Variants in RCL1 observed in about 807,000 individuals in gnomAD.
RCL1 encodes RNA 3'-terminal phosphate cyclase-like protein.
RCL1 carries 24 observed loss-of-function variants against 42.4 expected under a neutral mutation model. The observed-to-expected ratio is 0.57, with a 90% CI of 0.41 to 0.80. The LOEUF is 0.80. RCL1 is among the 30% of genes least tolerant of loss of function. The pLI is 0.00. For synonymous variants in RCL1, 228 were observed against 177.3 expected, an observed-to-expected ratio of 1.29 and a Z score of -2.27; for missense variants, 578 against 467.9, an observed-to-expected ratio of 1.24 and a Z score of -2.17.
intron 5 of RCL1, chr9:4,839,938 T>C (rs1016785563): frequency 2.2e-5 from 22 of 983,986 alleles, no homozygotes; most frequent in Non-Finnish European, 2.7e-5. Context: ...GCTGGGAGAA[T>C]GGGGCAAAGC....
At chr9:4,794,977 A>G (rs1563823508) in intron 1 of RCL1, among the ~76,000 whole-genome samples, 1 of 151,958 alleles carries the variant, frequency 6.6e-6, no homozygotes, top group Admixed American at 6.6e-5. Flanking sequence ...TATTTGCCTT[A>G]CCCCGTTCAT....
rs1183403418 is a variant in RCL1 at position 4,817,836 on chromosome 9, A to G, written c.137-5712A>G. Among the ~76,000 whole-genome samples, 5 of 130,532 alleles carry G rather than the reference A, an allele frequency of 3.8e-5. No homozygotes were observed. The East Asian group carries it at 1.2e-3, about 31-fold the overall frequency. The allele number at this position is 130,532 out of a possible 152,430, so 85.6% of individuals were successfully genotyped here. On this transcript the variant is annotated intron_variant, in intron 1 of 8. Transcript: ENST00000381750. ...CTTTTTCTCTTCTTTTGAGATTATCATTTTTCTTTACTGTTTGGCTTGTAA... is the reference window on the plus strand; with the variant it reads ...CTTTTTCTCTTCTTTTGAGATTATCGTTTTTCTTTACTGTTTGGCTTGTAA...
chr9:4,851,693 C>T (rs1389960913), intron 8 of RCL1, among the ~76,000 whole-genome samples: 10 of 150,936 alleles, frequency 6.6e-5, no homozygotes, highest in African/African-American at 2.4e-4. Context: ...TTTTGTGAAA[C>T]CTCAGATTTC....
chr9:4,851,266 C>T (rs1817738585), intron 8 of RCL1, among the ~76,000 whole-genome samples: 1 of 152,154 alleles, frequency 6.6e-6, no homozygotes, highest in Admixed American at 6.5e-5. Context: ...AAAGGAGTAG[C>T]ACAAATTGTA....
At chr9:4,807,270 G>A (rs573433052) in intron 1 of RCL1, among the ~76,000 whole-genome samples, 1 of 152,030 alleles carries the variant, frequency 6.6e-6, no homozygotes, top group Non-Finnish European at 1.5e-5. Flanking sequence ...ATTTATTTCT[G>A]TTCTTTATTA....
At chr9:4,851,820 G>A (rs1057139108) in intron 8 of RCL1, among the ~76,000 whole-genome samples, 2 of 151,108 alleles carry the variant, frequency 1.3e-5, no homozygotes, top group Admixed American at 1.3e-4. Flanking sequence ...TATGTAAAGA[G>A]CATTGGGATT....
At chr9:4,810,961 T>C (rs1434623201) in intron 1 of RCL1, among the ~76,000 whole-genome samples, 1 of 152,056 alleles carries the variant, frequency 6.6e-6, no homozygotes, top group African/African-American at 2.4e-5. Flanking sequence ...CAGTGTGATA[T>C]TTTGATACAT....
At chr9:4,828,599 AAAAGAATGAGAAGAGGTAT>A (rs567454850) in intron 3 of RCL1, among the ~76,000 whole-genome samples, 163 of 150,458 alleles carry the variant, frequency 1.1e-3, no homozygotes, top group African/African-American at 3.9e-3. Context: ...TTCTTTGGAT[AAAAGAATGAGAAGAGGTAT>A]AAATATATTT....
At chr9:4,824,499 AATTT>A (rs1816693773) in intron 2 of RCL1, among the ~76,000 whole-genome samples, 1 of 151,426 alleles carries the variant, frequency 6.6e-6, no homozygotes, top group African/African-American at 2.4e-5. Context: ...GATGCATGAT[AATTT>A]ATTTAACTGC....
chr9:4,800,227 T>G (rs1842976370), intron 1 of RCL1, among the ~76,000 whole-genome samples: 1 of 152,140 alleles, frequency 6.6e-6, no homozygotes, highest in Non-Finnish European at 1.5e-5. Flanking sequence ...TTTTTTATTT[T>G]TATTTTTTAT....
chr9:4,848,273 T>G (rs1817588307), intron 7 of RCL1, among the ~76,000 whole-genome samples: 1 of 152,248 alleles, frequency 6.6e-6, no homozygotes, highest in Non-Finnish European at 1.5e-5. Context: ...TTTTCTGTCC[T>G]TTATTAACTA....
chr9:4,836,650 G>C (rs1240743917), intron 5 of RCL1: 1 of 152,322 alleles, frequency 6.6e-6, no homozygotes, highest in Non-Finnish European at 1.5e-5. Flanking sequence ...GTCAGGGCGG[G>C]GGTGGGTGCT....
intron 8 of RCL1, among the ~76,000 whole-genome samples, chr9:4,851,360 A>T (rs1207175453): frequency 6.6e-6 from 1 of 152,194 alleles, no homozygotes; most frequent in Non-Finnish European, 1.5e-5. Context: ...AGGGTGGGAA[A>T]GGGAAGCCTC....
chr9:4,825,227 G>A (rs756749653), intron 2 of RCL1, among the ~76,000 whole-genome samples: 3 of 152,136 alleles, frequency 2.0e-5, no homozygotes, highest in Non-Finnish European at 4.4e-5. Flanking sequence ...AGATTGAGGA[G>A]TAAGACATTT....
At chr9:4,823,281 ATTTTT>A (rs3038449) in intron 1 of RCL1, among the ~76,000 whole-genome samples, 23 of 134,770 alleles carry the variant, frequency 1.7e-4, no homozygotes, top group East Asian at 2.1e-4. Context: ...TGGTGGAGCT[ATTTTT>A]TTTTTTTTTT....
intron 4 of RCL1, among the ~76,000 whole-genome samples, chr9:4,833,690 C>T (rs1817025733): frequency 1.3e-5 from 2 of 152,178 alleles, no homozygotes; most frequent in African/African-American, 4.8e-5. Context: ...TGAATTATAT[C>T]AATCCAATGT....
rs533399213 is a variant in RCL1 at position 4,846,072 on chromosome 9, C to CG, written c.867+1391_867+1392insG. Among the ~76,000 whole-genome samples, 30 of 152,270 alleles carry CG rather than the reference C, an allele frequency of 2.0e-4. No individual in the cohort carries two copies. The East Asian group carries it at 5.2e-3, about 26-fold the overall frequency. ...GGGTGGTAGGGTAAAGCCTGACTAG[C>CG]CATAGGTATTGATCCTCAGACCAGC... On this transcript the variant is annotated intron_variant, in intron 7 of 8. Transcript: ENST00000381750.
At chr9:4,799,280 G>C (rs183633248) in intron 1 of RCL1, among the ~76,000 whole-genome samples, 10 of 152,052 alleles carry the variant, frequency 6.6e-5, no homozygotes, top group Admixed American at 5.2e-4. Context: ...GGCCGTAAGT[G>C]CTACTTCAGA....
intron 5 of RCL1, among the ~76,000 whole-genome samples, chr9:4,836,176 C>G (rs1299416570): frequency 6.6e-6 from 1 of 152,162 alleles, no homozygotes; most frequent in Non-Finnish European, 1.5e-5. Flanking sequence ...AACACAGTGC[C>G]AGCTGCATGG....
Sources: allele counts gnomAD v4.1 joint callset (sites outside exome capture counted in the v4.1 genomes callset), GRCh38; gene constraint gnomAD v4.1.1; transcripts MANE v1.5; gene names NCBI Gene and HGNC (gene_info 2026-07-23, HGNC 2026-07-21).